The following RPS6KC1 variants were observed in gnomAD, a reference collection of about 807,000 sequenced individuals.
The protein encoded by RPS6KC1 is ribosomal protein S6 kinase C1.
A neutral mutation model predicts 103.8 loss-of-function variants in RPS6KC1; 54 were observed. The ratio of observed to expected loss-of-function variants is 0.52; its 90% confidence interval spans 0.42 to 0.65. The LOEUF (loss-of-function observed/expected upper bound fraction) is 0.65. RPS6KC1 is among the 30% of genes least tolerant of loss of function. RPS6KC1 has a pLI of 0.00. For synonymous variants in RPS6KC1, 439 were observed against 438.7 expected, an observed-to-expected ratio of 1.00 and a Z score of -0.01; for missense variants, 1,151 against 1,253.8, an observed-to-expected ratio of 0.92 and a Z score of 1.24.
the RPS6KC1 span, among the ~76,000 whole-genome samples, chr1:213,374,282 G>A: frequency 6.6e-6 from 1 of 152,340 alleles, no homozygotes; most frequent in East Asian, 1.9e-4. Flanking sequence ...GTGTTCATTA[G>A]TATATTTAAA....
the RPS6KC1 span, among the ~76,000 whole-genome samples, chr1:213,671,274 A>T: frequency 8.5e-5 from 13 of 152,354 alleles, no homozygotes; most frequent in South Asian, 1.0e-3. Context: ...GCCAGGCACA[A>T]AGAGACAAAT....
the RPS6KC1 span, among the ~76,000 whole-genome samples, chr1:213,856,422 C>T: frequency 4.6e-5 from 7 of 151,928 alleles, 1 homozygote. Flanking sequence ...CTTCCTTCTT[C>T]TTTCTCTCTC....
At chr1:213,479,005 T>G in the RPS6KC1 span, among the ~76,000 whole-genome samples, 1 of 151,696 alleles carries the variant, frequency 6.6e-6, no homozygotes, top group Admixed American at 6.6e-5. Context: ...AAAAATGACT[T>G]AAAAGGTCTC....
chr1:213,421,128 T>C, the RPS6KC1 span, among the ~76,000 whole-genome samples: 5 of 152,278 alleles, frequency 3.3e-5, no homozygotes, highest in Admixed American at 6.5e-5. Context: ...TTTTTTTGTT[T>C]GTTCATTTTT....
chr1:213,078,295 T>A lies in RPS6KC1; in HGVS notation c.262+479T>A, dbSNP rs186421645. On this transcript the variant is annotated intron_variant, in intron 3 of 14. Transcript: ENST00000366960. ...TAGGTAACAGTATTTTATATTAAAG[T>A]TTCTGTGTCAAAATAATTGGTGTAG... Among the ~76,000 whole-genome samples the A allele has an allele frequency of 7.0e-4, 106 of 151,768 alleles. 1 individual carries two copies. Among genetic ancestry groups the A allele is most frequent in the African/African-American group, 2.4e-3 (100 of 41,410 alleles).
chr1:213,763,940 G>A, the RPS6KC1 span, among the ~76,000 whole-genome samples: 1 of 152,154 alleles, frequency 6.6e-6, no homozygotes, highest in African/African-American at 2.4e-5. Context: ...GGAGAAGGTG[G>A]TTTCCCCAAA....
chr1:213,773,735 TAGTCTTTG>T, the RPS6KC1 span, among the ~76,000 whole-genome samples: 1 of 152,124 alleles, frequency 6.6e-6, no homozygotes, highest in East Asian at 1.9e-4. Context: ...CAGGAAGTCT[TAGTCTTTG>T]TGATTAAGCC....
chr1:213,073,793 A>C (rs973114169), intron 2 of RPS6KC1, among the ~76,000 whole-genome samples: 3 of 152,086 alleles, frequency 2.0e-5, no homozygotes, highest in Non-Finnish European at 4.4e-5. Flanking sequence ...CTCCTGCCTC[A>C]GCCTCCTGAA....
At chr1:213,157,282 C>T (rs149004003) in intron 6 of RPS6KC1, among the ~76,000 whole-genome samples, 1,546 of 151,152 alleles carry the variant, frequency 0.01, 29 homozygotes, top group African/African-American at 0.036. Context: ...GGCACGATCT[C>T]GGCTCACTGC....
chr1:213,373,163 A>AG, the RPS6KC1 span, among the ~76,000 whole-genome samples: 1 of 152,240 alleles, frequency 6.6e-6, no homozygotes, highest in African/African-American at 2.4e-5. Flanking sequence ...GTCAAAAAGG[A>AG]GGGGTAGCAT....
the RPS6KC1 span, among the ~76,000 whole-genome samples, chr1:213,766,809 C>G: frequency 9.9e-5 from 15 of 152,118 alleles, no homozygotes; most frequent in African/African-American, 3.6e-4. Context: ...TGCCGTTGGA[C>G]CTCCCCTTTG....
chr1:213,165,270 G>T (rs894489028), intron 6 of RPS6KC1, among the ~76,000 whole-genome samples: 1 of 152,046 alleles, frequency 6.6e-6, no homozygotes, highest in African/African-American at 2.4e-5. Context: ...TTGCTCTGTT[G>T]CCCGGGCTGG....
the RPS6KC1 span, among the ~76,000 whole-genome samples, chr1:213,518,946 G>C: frequency 6.6e-6 from 1 of 152,144 alleles, no homozygotes; most frequent in South Asian, 2.1e-4. Context: ...AGAGGGAGAA[G>C]AAGGGAAGGG....
chr1:213,725,095 G>A, the RPS6KC1 span, among the ~76,000 whole-genome samples: 40,115 of 152,148 alleles, frequency 0.26, 5,869 homozygotes, highest in Middle Eastern at 0.38. Context: ...CCAGCTTAAC[G>A]TCTTACCAGA....
At chr1:213,606,520 A>G in the RPS6KC1 span, among the ~76,000 whole-genome samples, 2 of 152,218 alleles carry the variant, frequency 1.3e-5, no homozygotes, top group African/African-American at 4.8e-5. Context: ...GCTGATTTCT[A>G]TAAGGGATTG....
At chr1:213,459,516 G>C in the RPS6KC1 span, among the ~76,000 whole-genome samples, 1 of 151,820 alleles carries the variant, frequency 6.6e-6, no homozygotes, top group Non-Finnish European at 1.5e-5. Flanking sequence ...GGTCTACTTT[G>C]TTAATCTTTT....
At chr1:213,495,078 A>G in the RPS6KC1 span, among the ~76,000 whole-genome samples, 1 of 152,244 alleles carries the variant, frequency 6.6e-6, no homozygotes, top group Non-Finnish European at 1.5e-5. Context: ...GTATAAAGGT[A>G]ACAGTAAAAC....
the RPS6KC1 span, among the ~76,000 whole-genome samples, chr1:213,349,304 C>T: frequency 6.6e-6 from 1 of 152,218 alleles, no homozygotes; most frequent in African/African-American, 2.4e-5. Context: ...TCTTGTTTTC[C>T]TAACCCTCTG....
chr1:213,338,745 G>T, the RPS6KC1 span, among the ~76,000 whole-genome samples: 2 of 149,660 alleles, frequency 1.3e-5, no homozygotes, highest in African/African-American at 4.9e-5. Context: ...TGATGTGCAA[G>T]TTCTGGTCTA....
Sources: gnomAD v4.1 joint callset for allele counts (sites outside exome capture counted in the v4.1 genomes callset) on GRCh38, gnomAD v4.1.1 for gene constraint, MANE v1.5 for transcripts, NCBI Gene and HGNC (gene_info 2026-07-23, HGNC 2026-07-21) for gene names.